Variants in NCKAP5 observed in about 807,000 individuals in gnomAD.
NCKAP5 encodes NCK associated protein 5, also known as nck-associated protein 5.
In NCKAP5, 92 loss-of-function variants were observed where a neutral mutation model predicts 167.0. That is an observed-to-expected ratio of 0.55 (90% CI 0.47 to 0.66). The LOEUF (loss-of-function observed/expected upper bound fraction) is 0.66. NCKAP5 is among the 30% of genes least tolerant of loss of function. The pLI is 0.00. For synonymous variants in NCKAP5, 891 were observed against 877.4 expected, an observed-to-expected ratio of 1.02 and a Z score of -0.27; for missense variants, 2,378 against 2,315.0, an observed-to-expected ratio of 1.03 and a Z score of -0.56.
At chr2:133,639,358 T>G in the NCKAP5 span, among the ~76,000 whole-genome samples, 17 of 152,128 alleles carry the variant, frequency 1.1e-4, no homozygotes, top group Admixed American at 5.9e-4. Flanking sequence ...CAAGAAGACA[T>G]GACGATAGCA....
intron 6 of NCKAP5, among the ~76,000 whole-genome samples, chr2:133,035,054 A>C (rs1189252917): frequency 6.6e-6 from 1 of 152,066 alleles, no homozygotes; most frequent in Non-Finnish European, 1.5e-5. Context: ...TGGACTGAAA[A>C]TAAGGGATGG....
chr2:132,946,561 A>G (rs1697746523), intron 8 of NCKAP5, among the ~76,000 whole-genome samples: 1 of 152,226 alleles, frequency 6.6e-6, no homozygotes, highest in Non-Finnish European at 1.5e-5. Flanking sequence ...AACTTAACAA[A>G]AAAAGTGAAC....
intron 3 of NCKAP5, among the ~76,000 whole-genome samples, chr2:133,342,093 C>G (rs1024370556): frequency 6.8e-4 from 104 of 152,228 alleles, no homozygotes; most frequent in African/African-American, 2.4e-3. Context: ...TGCCCGCCAC[C>G]ATGCCCAGCT....
chr2:133,425,736 G>C (rs943751839), intron 3 of NCKAP5, among the ~76,000 whole-genome samples: 1 of 152,118 alleles, frequency 6.6e-6, no homozygotes, highest in African/African-American at 2.4e-5. Context: ...ATTTCAAATG[G>C]GGAGTCAGAA....
intron 11 of NCKAP5, among the ~76,000 whole-genome samples, chr2:132,801,620 C>T (rs995773870): frequency 3.9e-5 from 6 of 152,154 alleles, no homozygotes; most frequent in African/African-American, 1.2e-4. Context: ...TATAACAGAA[C>T]GCATGCCTCA....
chr2:133,575,428 G>A, the NCKAP5 span, among the ~76,000 whole-genome samples: 1 of 152,196 alleles, frequency 6.6e-6, no homozygotes, highest in African/African-American at 2.4e-5. Context: ...TATTTTGACT[G>A]ATTATAAGAA....
intron 16 of NCKAP5, among the ~76,000 whole-genome samples, chr2:132,753,847 A>G (rs991720403): frequency 6.6e-6 from 1 of 152,082 alleles, no homozygotes; most frequent in African/African-American, 2.4e-5. Context: ...ACGGGGCTTT[A>G]CTACTTGAGC....
At chr2:132,901,740 G>C (rs1035607010) in intron 8 of NCKAP5, among the ~76,000 whole-genome samples, 1 of 152,162 alleles carries the variant, frequency 6.6e-6, no homozygotes, top group Non-Finnish European at 1.5e-5. Context: ...TATCAAGATA[G>C]GACTATAGAA....
chr2:132,877,067 A>T (rs1366656134), intron 9 of NCKAP5, among the ~76,000 whole-genome samples: 2 of 152,164 alleles, frequency 1.3e-5, no homozygotes, highest in East Asian at 3.8e-4. Context: ...CATATGACCC[A>T]AAGGCATGGT....
intron 11 of NCKAP5, among the ~76,000 whole-genome samples, chr2:132,831,858 A>G (rs1037303693): frequency 2.0e-5 from 3 of 152,152 alleles, no homozygotes; most frequent in East Asian, 3.8e-4. Flanking sequence ...ATATTAATCC[A>G]TCAGGGAATT....
intron 8 of NCKAP5, among the ~76,000 whole-genome samples, chr2:132,939,868 T>G (rs1488317556): frequency 6.6e-6 from 1 of 152,022 alleles, no homozygotes; most frequent in South Asian, 2.1e-4. Context: ...GGTGTGGTGG[T>G]GGGTGCCTGT....
chr2:133,589,609 CATAA>C, the NCKAP5 span, among the ~76,000 whole-genome samples: 1 of 152,156 alleles, frequency 6.6e-6, no homozygotes, highest in Non-Finnish European at 1.5e-5. Flanking sequence ...AGGAAGTCCA[CATAA>C]ATAAAGAAGA....
intron 3 of NCKAP5, among the ~76,000 whole-genome samples, chr2:133,441,451 G>A (rs1690856038): frequency 6.6e-6 from 1 of 152,144 alleles, no homozygotes; most frequent in Admixed American, 6.5e-5. Context: ...CCAGCAGATG[G>A]ACTAGGTCAG....
chr2:132,791,844 T>C (rs542034813), intron 12 of NCKAP5, among the ~76,000 whole-genome samples: 2 of 152,340 alleles, frequency 1.3e-5, no homozygotes, highest in African/African-American at 4.8e-5. Context: ...ATGTTTAATT[T>C]ACTCTCTAAT....
chr2:133,200,238 A>G (rs548137205), intron 5 of NCKAP5, among the ~76,000 whole-genome samples: 1 of 152,038 alleles, frequency 6.6e-6, no homozygotes, highest in Non-Finnish European at 1.5e-5. Flanking sequence ...TGATTACTAC[A>G]GTAACCTAGA....
rs57351733 is a variant in NCKAP5 at position 133,336,405 on chromosome 2, G to C, written c.70-33295C>G. On this transcript the variant is annotated intron_variant, in intron 3 of 19. Transcript: ENST00000409261. ...TTTCCTTTCCTTTAACAGGCCAAGT[G>C]CAAACAGCTGAAGTGAATACACTTC... Among the ~76,000 whole-genome samples the C allele has an allele frequency of 8.0e-3, 1,221 of 152,136 alleles. 18 individuals carry two copies. The highest frequency in any genetic ancestry group is 0.025 in the African/African-American group (1,058 of 41,496).
At chr2:133,151,465 G>A (rs73000833) in intron 5 of NCKAP5, among the ~76,000 whole-genome samples, 4,392 of 152,112 alleles carry the variant, frequency 0.029, 199 homozygotes, top group African/African-American at 0.097. Context: ...AAAAAACCGC[G>A]TTAAGAAGTG....
intron 7 of NCKAP5, among the ~76,000 whole-genome samples, chr2:132,974,593 G>T (rs144355472): frequency 4.6e-5 from 7 of 152,264 alleles, no homozygotes; most frequent in African/African-American, 1.7e-4. Flanking sequence ...GATTTTGGAC[G>T]TCATGCTCTT....
intron 3 of NCKAP5, among the ~76,000 whole-genome samples, chr2:133,398,610 T>C (rs924599264): frequency 6.6e-6 from 1 of 152,222 alleles, no homozygotes; most frequent in African/African-American, 2.4e-5. Context: ...GAGGAAAATA[T>C]GTCTGTTTTT....
Sources: gnomAD v4.1 joint callset for allele counts (sites outside exome capture counted in the v4.1 genomes callset) on GRCh38, gnomAD v4.1.1 for gene constraint, MANE v1.5 for transcripts, NCBI Gene and HGNC (gene_info 2026-07-23, HGNC 2026-07-21) for gene names.